The following PTPRD variants were observed in gnomAD, a reference collection of about 807,000 sequenced individuals.
PTPRD encodes the protein receptor-type tyrosine-protein phosphatase delta.
Under a neutral mutation model 214.5 loss-of-function variants are expected in PTPRD, and 34 were observed. The observed-to-expected ratio is 0.16, with a 90% confidence interval of 0.12 to 0.21. PTPRD has a LOEUF of 0.21. Ranked by LOEUF, PTPRD falls within the 10% of genes least tolerant of loss-of-function variation. The probability of loss-of-function intolerance (pLI) is 1.00; values close to 1 mark genes in which losing one functional copy is unlikely to be tolerated. For missense variants in PTPRD, 2,545 were observed against 2,398.7 expected, an observed-to-expected ratio of 1.06 and a Z score of -1.27; for synonymous variants, 1,128 against 845.7, an observed-to-expected ratio of 1.33 and a Z score of -5.79.
chr9:9,515,932 T>A (rs1201279087), intron 8 of PTPRD, among the ~76,000 whole-genome samples: 2 of 152,142 alleles, frequency 1.3e-5, no homozygotes, highest in Non-Finnish European at 2.9e-5. Context: ...GACATGAGAA[T>A]ATTTATGAGA....
chr9:9,579,498 G>A (rs890685049), intron 7 of PTPRD, among the ~76,000 whole-genome samples: 10 of 152,170 alleles, frequency 6.6e-5, no homozygotes, highest in Admixed American at 2.0e-4. Flanking sequence ...GTAAACGTGT[G>A]CCATGGTGGT....
At chr9:8,873,308 C>G (rs1438689573) in intron 11 of PTPRD, among the ~76,000 whole-genome samples, 1 of 152,080 alleles carries the variant, frequency 6.6e-6, no homozygotes, top group Non-Finnish European at 1.5e-5. Context: ...ATCCTATTGC[C>G]CTGCTTAATT....
intron 4 of PTPRD, among the ~76,000 whole-genome samples, chr9:9,991,674 A>T (rs1000843898): frequency 1.3e-5 from 2 of 152,142 alleles, no homozygotes; most frequent in Non-Finnish European, 2.9e-5. Flanking sequence ...CCCAAAATAT[A>T]CTTTTAAAAC....
At chr9:9,823,112 T>A (rs954834173) in intron 5 of PTPRD, among the ~76,000 whole-genome samples, 1 of 152,122 alleles carries the variant, frequency 6.6e-6, no homozygotes, top group African/African-American at 2.4e-5. Flanking sequence ...GTGGTACATA[T>A]ACATACATTC....
intron 9 of PTPRD, among the ~76,000 whole-genome samples, chr9:9,281,513 C>A (rs1230134373): frequency 1.3e-5 from 2 of 151,210 alleles, no homozygotes; most frequent in Non-Finnish European, 3.0e-5. Context: ...CATCATAGGT[C>A]CTTAGGAAAT....
intron 11 of PTPRD, among the ~76,000 whole-genome samples, chr9:9,002,298 T>A (rs1011389828): frequency 6.6e-6 from 1 of 151,752 alleles, no homozygotes; most frequent in African/African-American, 2.4e-5. Context: ...GGCACTGAAG[T>A]ATATTAAGAA....
chr9:10,203,380 T>C (rs2099442327), intron 3 of PTPRD, among the ~76,000 whole-genome samples: 1 of 151,970 alleles, frequency 6.6e-6, no homozygotes, highest in Non-Finnish European at 1.5e-5. Context: ...CTGTTAGAGG[T>C]ATTTTATACT....
intron 3 of PTPRD, among the ~76,000 whole-genome samples, chr9:10,252,903 C>A (rs1395215536): frequency 2.0e-5 from 3 of 152,026 alleles, no homozygotes; most frequent in Non-Finnish European, 4.4e-5. Context: ...TCTGCCTCAG[C>A]CTCCCGAGTA....
chr9:9,649,532 C>G (rs1447870175), intron 7 of PTPRD, among the ~76,000 whole-genome samples: 1 of 152,090 alleles, frequency 6.6e-6, no homozygotes, highest in East Asian at 1.9e-4. Flanking sequence ...ATAGATTAGT[C>G]TATATTATAA....
chr9:9,910,094 C>G (rs575050373), intron 5 of PTPRD, among the ~76,000 whole-genome samples: 105 of 151,964 alleles, frequency 6.9e-4, no homozygotes, highest in Non-Finnish European at 1.3e-3. Flanking sequence ...ACATCTTGGT[C>G]AAGTTTGTAC....
intron 2 of PTPRD, among the ~76,000 whole-genome samples, chr9:10,394,189 G>C (rs142626703): frequency 0.034 from 4,653 of 138,528 alleles, 126 homozygotes; most frequent in Non-Finnish European, 0.048. Context: ...TATATATAAA[G>C]ATATATATAA....
intron 9 of PTPRD, among the ~76,000 whole-genome samples, chr9:9,336,079 G>A (rs2044332620): frequency 6.6e-6 from 1 of 152,074 alleles, no homozygotes; most frequent in South Asian, 2.1e-4. Context: ...ACAGGTTAAA[G>A]ATACGACACA....
At chr9:10,397,075 T>TTGGTGTCCAG (rs2154493982) in intron 2 of PTPRD, among the ~76,000 whole-genome samples, 1 of 152,142 alleles carries the variant, frequency 6.6e-6, no homozygotes, top group Admixed American at 6.6e-5. Context: ...CACCACTGGG[T>TTGGTGTCCAG]AACTAGTCCA....
In PTPRD at chr9:8,321,483, GTGTGTATATATATATA is replaced by G. The variant is rs1479610134; in HGVS notation, c.5535-1533_5535-1518del. 6.4e-4 allele frequency among the ~76,000 whole-genome samples: 31 copies of G among 48,762 alleles called. 1 individual carries two copies. Among genetic ancestry groups the G allele is most frequent in the African/African-American group, 3.9e-3 (30 of 7,758 alleles). 32.0% of individuals were successfully genotyped at this position (48,762 alleles called of 152,430 possible). A position where few individuals can be genotyped will look rare whatever the true frequency, so the allele number is the denominator to read the frequency against. ...TCTTTGTGTGTGTGTGTGTGTGTGT[GTGTGTATATATATATA>G]TATATATATATATATATATATATAT... On this transcript the variant is annotated intron_variant, in intron 44 of 45. Transcript: ENST00000381196.
chr9:8,528,562 A>T, intron 15 of PTPRD, 29 bp downstream of exon 15: 1 of 1,594,314 alleles, frequency 6.3e-7, no homozygotes, highest in Admixed American at 1.7e-5. Flanking sequence ...ATTCTCTAGG[A>T]GTTAGTAGAA....
chr9:8,965,377 T>C (rs1335037810), intron 11 of PTPRD, among the ~76,000 whole-genome samples: 3 of 141,252 alleles, frequency 2.1e-5, no homozygotes, highest in Middle Eastern at 7.1e-3. Context: ...AATACTCTGC[T>C]TCAGAAAAAA....
chr9:10,598,587 T>C (rs1216904990), intron 2 of PTPRD, among the ~76,000 whole-genome samples: 1 of 151,734 alleles, frequency 6.6e-6, no homozygotes, highest in Non-Finnish European at 1.5e-5. Flanking sequence ...TTCTGAGAAA[T>C]TTGCCATAAG....
At chr9:9,361,883 G>A (rs1379373458) in intron 9 of PTPRD, among the ~76,000 whole-genome samples, 1 of 150,864 alleles carries the variant, frequency 6.6e-6, no homozygotes, top group African/African-American at 2.4e-5. Context: ...TTCTAGAAAT[G>A]GGCATACAGG....
chr9:9,076,366 C>G (rs535107042), intron 10 of PTPRD, among the ~76,000 whole-genome samples: 140 of 152,036 alleles, frequency 9.2e-4, no homozygotes, highest in Admixed American at 4.5e-3. Flanking sequence ...ATGGCAGTTT[C>G]TTTTGCTGTG....
Sources: allele counts gnomAD v4.1 joint callset (sites outside exome capture counted in the v4.1 genomes callset), GRCh38; gene constraint gnomAD v4.1.1; transcripts MANE v1.5; gene names NCBI Gene and HGNC (gene_info 2026-07-23, HGNC 2026-07-21).